Variants in BICRA observed in about 807,000 individuals in gnomAD.
BICRA encodes BRD4-interacting chromatin-remodeling complex-associated protein.
Under a neutral mutation model 96.9 loss-of-function variants are expected in BICRA, and 31 were observed. The observed-to-expected ratio is 0.32, with a 90% CI of 0.24 to 0.43. The LOEUF (loss-of-function observed/expected upper bound fraction) is 0.43. Among genes scored for constraint, BICRA ranks in the 20% least tolerant of loss-of-function variants. The probability of loss-of-function intolerance (pLI) is 1.00; values close to 1 mark genes in which losing one functional copy is unlikely to be tolerated. For synonymous variants in BICRA, 1,350 were observed against 1,071.8 expected, an observed-to-expected ratio of 1.26 and a Z score of -5.07; for missense variants, 2,283 against 2,190.3, an observed-to-expected ratio of 1.04 and a Z score of -0.84.
chr19:47,683,656 C>T (rs1973100439), intron 7 of BICRA, among the ~76,000 whole-genome samples: 1 of 151,328 alleles, frequency 6.6e-6, no homozygotes, highest in South Asian at 2.1e-4. Flanking sequence ...GCGATCTCTG[C>T]TCACTGCAAG....
intron 1 of BICRA, among the ~76,000 whole-genome samples, chr19:47,633,084 T>C (rs75299884): frequency 3.6e-5 from 5 of 139,844 alleles, no homozygotes; most frequent in Admixed American, 7.1e-5. Flanking sequence ...TTATTTCTTT[T>C]TTTTTTTTTT....
intron 1 of BICRA, among the ~76,000 whole-genome samples, chr19:47,641,415 C>T (rs1452776259): frequency 6.6e-6 from 1 of 152,142 alleles, no homozygotes; most frequent in Non-Finnish European, 1.5e-5. Flanking sequence ...CCCCCTGGCT[C>T]AGGCAATGCA....
At chr19:47,681,630 G>A (rs1973062867) in intron 6 of BICRA, among the ~76,000 whole-genome samples, 2 of 151,888 alleles carry the variant, frequency 1.3e-5, no homozygotes, top group Admixed American at 6.6e-5. Context: ...GGACCGGCAG[G>A]GAGAGGGACT....
Position 47,680,404 on chromosome 19 carries a change from T to G in BICRA, c.1234T>G (p.Ser412Ala). Residue 412 changes from serine to alanine, a missense_variant, in exon 6 of 15, where the codon TCG (serine) becomes GCG (alanine). By Grantham distance (99) the Ser-to-Ala change is moderately conservative. Coordinates refer to ENST00000594866, the MANE Select transcript of BICRA (RefSeq NM_001394372.1). ...GAAGGCGGGCCAGAACGTGGTGCTG[T>G]CGGGCTTCCCCGCGCCTGCGCTGCA... ...AGKAGQNVVL[S>A]GFPAPALQAN... is the part of the protein sequence containing the mutation. 1 of 1,534,372 alleles carries G rather than the reference T, an allele frequency of 6.5e-7. No homozygotes were observed. Among genetic ancestry groups the G allele is most frequent in the Non-Finnish European group, 8.7e-7 (1 of 1,145,350 alleles).
At chr19:47,660,127 A>C (rs1972683456) in intron 1 of BICRA, among the ~76,000 whole-genome samples, 1 of 152,096 alleles carries the variant, frequency 6.6e-6, no homozygotes, top group African/African-American at 2.4e-5. Flanking sequence ...GTCCAAAATG[A>C]GGGTGTTAGC....
chr19:47,671,612 T>C (rs1040738553), intron 2 of BICRA, among the ~76,000 whole-genome samples: 1 of 151,528 alleles, frequency 6.6e-6, no homozygotes, highest in African/African-American at 2.4e-5. Context: ...GAGGGGTGTT[T>C]GGATGGAAGC....
chr19:47,692,129 G>A (rs113148388), intron 7 of BICRA, among the ~76,000 whole-genome samples: 3 of 152,016 alleles, frequency 2.0e-5, no homozygotes, highest in Non-Finnish European at 4.4e-5. Flanking sequence ...TCTTTTCTCC[G>A]ACTCAGCGAC....
At position 47,698,935 on chromosome 19, in the gene BICRA, C is replaced by T; in HGVS notation, c.3398-30C>T. ...GCATCCGCGGCCGCCCCCAACATCT[C>T]CGCCCTTGCCTCTCTTCCCTTCCTC... On this transcript the variant is annotated intron_variant, in intron 12 of 14. Transcript: ENST00000594866. The surrounding 1 kb of genome is among the most constrained non-coding windows in gnomAD (Gnocchi z 4.8). 1 of 1,526,126 alleles carries T rather than the reference C, an allele frequency of 6.6e-7. No individual in the cohort carries two copies. The highest frequency in any genetic ancestry group is 8.9e-7 in the Non-Finnish European group (1 of 1,120,662). The allele number at this position is 1,526,126 out of a possible 1,614,324, so 94.5% of individuals were successfully genotyped here. A position where few individuals can be genotyped will look rare whatever the true frequency, so the allele number is the denominator to read the frequency against.
chr19:47,657,064 T>C (rs1395525634), intron 1 of BICRA, among the ~76,000 whole-genome samples: 1 of 152,050 alleles, frequency 6.6e-6, no homozygotes, highest in Non-Finnish European at 1.5e-5. Context: ...GGTTTCACTG[T>C]GTTAGCCAGG....
intron 1 of BICRA, among the ~76,000 whole-genome samples, chr19:47,624,182 C>A (rs1205650168): frequency 6.6e-6 from 1 of 152,088 alleles, no homozygotes; most frequent in Non-Finnish European, 1.5e-5. Context: ...TCAGGTAAAA[C>A]CTCTTCAGCT....
At position 47,698,716 on chromosome 19, in the gene BICRA, C is replaced by T. The variant is rs1460997581; in HGVS notation, c.3331C>T (p.Leu1111=). The part of the protein sequence containing the change: ...KTAFPSFEDA[L]HRLLPYHVYQ... ...GGCCTTCCCCTCCTTTGAGGACGCCCTGCATCGCCTCCTGCCCTACCATGT... is the reference window on the plus strand; with the variant it reads ...GGCCTTCCCCTCCTTTGAGGACGCCTTGCATCGCCTCCTGCCCTACCATGT... The change falls in exon 12 of 15, where the codon CTG becomes TTG. Residue 1111 remains leucine (L), a synonymous_variant. Transcript: ENST00000594866. This position sits in a 1 kb window ranked among gnomAD's most constrained non-coding sequence, Gnocchi z 4.8. 1 of 1,607,754 alleles carries T rather than the reference C, an allele frequency of 6.2e-7. No homozygotes were observed. Among genetic ancestry groups the T allele is most frequent in the Admixed American group, 1.7e-5 (1 of 60,002 alleles).
At chr19:47,640,285 ACATTGGGAGGCTGAGGCAGG>A (rs1420147987) in intron 1 of BICRA, among the ~76,000 whole-genome samples, 1 of 152,212 alleles carries the variant, frequency 6.6e-6, no homozygotes, top group African/African-American at 2.4e-5. Context: ...TCATCCCAGC[ACATTGGGAGGCTGAGGCAGG>A]CAGATCACTT....
At chr19:47,646,214 A>G (rs1972456976) in intron 1 of BICRA, among the ~76,000 whole-genome samples, 1 of 152,188 alleles carries the variant, frequency 6.6e-6, no homozygotes, top group African/African-American at 2.4e-5. Context: ...AGCATGCGGA[A>G]TGCTCTGCCC....
Position 47,694,204 on chromosome 19 carries a change from G to GGCCCCCCCCCCC in BICRA, c.2373_2374insGCCCCCCCCCCC (p.Leu791_Pro792insAlaProProPro). On this transcript the variant is annotated inframe_insertion, in exon 8 of 15. Coordinates refer to ENST00000594866, the MANE Select transcript of BICRA (RefSeq NM_001394372.1). The stretch of plus-strand genomic sequence containing the variant: ...CCCCTCTGGGGGACAGCCCCCACCT[G>GGCCCCCCCCCCC]CCCTCCCCACACCCCACCCGGCCCC... The GGCCCCCCCCCCC allele has an allele frequency of 8.9e-7, 1 of 1,119,702 alleles. No homozygotes were observed. The highest frequency in any genetic ancestry group is 1.1e-6 in the Non-Finnish European group (1 of 884,586). 69.4% of individuals were successfully genotyped at this position (1,119,702 alleles called of 1,614,324 possible). A position where few individuals can be genotyped will look rare whatever the true frequency, so the allele number is the denominator to read the frequency against.
chr19:47,613,122 C>T (rs1971933829), intron 1 of BICRA, among the ~76,000 whole-genome samples: 1 of 152,086 alleles, frequency 6.6e-6, no homozygotes, highest in Admixed American at 6.5e-5. Flanking sequence ...TGGCCCTTCC[C>T]TAACCTTCCT....
At chr19:47,620,070 C>T (rs1972042613) in intron 1 of BICRA, among the ~76,000 whole-genome samples, 1 of 152,152 alleles carries the variant, frequency 6.6e-6, no homozygotes, top group South Asian at 2.1e-4. Context: ...TTGGGTTGAG[C>T]ATCTTCGGCT....
At chr19:47,645,113 G>A (rs1379664267) in intron 1 of BICRA, among the ~76,000 whole-genome samples, 1 of 152,106 alleles carries the variant, frequency 6.6e-6, no homozygotes, top group African/African-American at 2.4e-5. Context: ...TTCTACTAAC[G>A]TCCCTCAGAG....
In BICRA at chr19:47,695,435, G is replaced by A. The variant is rs1973324280; in HGVS notation, c.3147G>A (p.Lys1049=). The A allele has an allele frequency of 6.3e-7, 1 of 1,592,138 alleles. No individual in the cohort carries two copies. The highest frequency in any genetic ancestry group is 2.3e-5 in the East Asian group (1 of 43,702). ...ASNLPTLNVA[K]AASSGPGKPS... The stretch of plus-strand genomic sequence containing the variant: ...ACCTCCCGACCCTGAATGTGGCCAA[G>A]GCCGCTTCCTCCGGGCCAGGGAAGC... Residue 1049 remains lysine (K), a synonymous_variant, in exon 10 of 15, where the codon AAG becomes AAA. Coordinates refer to ENST00000594866, the MANE Select transcript of BICRA (RefSeq NM_001394372.1).
At chr19:47,650,386 C>T (rs1192136386) in intron 1 of BICRA, among the ~76,000 whole-genome samples, 1 of 152,156 alleles carries the variant, frequency 6.6e-6, no homozygotes, top group Non-Finnish European at 1.5e-5. Context: ...CCGCCTTGGC[C>T]TCCCAAATTA....
Sources: gnomAD v4.1 joint callset for allele counts (sites outside exome capture counted in the v4.1 genomes callset) on GRCh38, gnomAD v4.1.1 for gene constraint, Gnocchi (gnomAD v3.1) non-coding constraint, MANE v1.5 for transcripts, NCBI Gene and HGNC (gene_info 2026-07-23, HGNC 2026-07-21) for gene names.